Variants in CALN1 observed in about 807,000 individuals in gnomAD.
CALN1 encodes the protein calcium-binding protein 8.
A neutral mutation model predicts 30.6 loss-of-function variants in CALN1; 17 were observed. The ratio of observed to expected loss-of-function variants is 0.56; its 90% CI spans 0.38 to 0.83. The LOEUF (loss-of-function observed/expected upper bound fraction) is 0.83. Among genes scored for constraint, CALN1 ranks in the 40% least tolerant of loss-of-function variants. CALN1 has a pLI of 0.00. For missense variants in CALN1, 291 were observed against 354.9 expected, an observed-to-expected ratio of 0.82 and a Z score of 1.45; for synonymous variants, 156 against 131.4, an observed-to-expected ratio of 1.19 and a Z score of -1.28.
intron 3 of CALN1, among the ~76,000 whole-genome samples, chr7:72,260,155 C>T (rs968159579): frequency 1.3e-5 from 2 of 152,160 alleles, no homozygotes; most frequent in Admixed American, 6.5e-5. Context: ...GCTATGATTG[C>T]ACCACTGCAC....
chr7:71,828,701 TAC>T (rs1361876378), intron 5 of CALN1, among the ~76,000 whole-genome samples: 10 of 143,436 alleles, frequency 7.0e-5, no homozygotes, highest in African/African-American at 2.6e-4. Flanking sequence ...TATACATATA[TAC>T]ATATATATAT....
chr7:72,336,061 G>A (rs1350142904), intron 2 of CALN1, among the ~76,000 whole-genome samples: 1 of 152,140 alleles, frequency 6.6e-6, no homozygotes, highest in African/African-American at 2.4e-5. Context: ...CAGAGACTAG[G>A]TCCCAGCCGG....
chr7:72,107,209 G>A (rs1316741613), intron 3 of CALN1, among the ~76,000 whole-genome samples: 1 of 152,102 alleles, frequency 6.6e-6, no homozygotes, highest in Non-Finnish European at 1.5e-5. Flanking sequence ...CCTCTTAACT[G>A]CAGTCCTCAG....
At chr7:71,860,702 A>G (rs1410999628) in intron 5 of CALN1, among the ~76,000 whole-genome samples, 1 of 152,230 alleles carries the variant, frequency 6.6e-6, no homozygotes, top group Non-Finnish European at 1.5e-5. Flanking sequence ...CACCAGGTCA[A>G]TGTCACATTG....
chr7:71,937,676 C>G (rs1031044103), intron 5 of CALN1, among the ~76,000 whole-genome samples: 1 of 151,996 alleles, frequency 6.6e-6, no homozygotes, highest in African/African-American at 2.4e-5. Context: ...GATAGGGTCT[C>G]GCTGTGTTGC....
At chr7:72,064,971 A>G (rs1803913326) in intron 4 of CALN1, among the ~76,000 whole-genome samples, 1 of 151,800 alleles carries the variant, frequency 6.6e-6, no homozygotes, top group Admixed American at 6.6e-5. Flanking sequence ...GCTGCAGTGC[A>G]CTTGGGCACA....
chr7:72,229,850 T>C (rs917996882), intron 3 of CALN1, among the ~76,000 whole-genome samples: 1 of 151,826 alleles, frequency 6.6e-6, no homozygotes, highest in Non-Finnish European at 1.5e-5. Context: ...GCTTAAAACC[T>C]AGATGACAGG....
chr7:72,194,774 T>G (rs1233531531), intron 3 of CALN1, among the ~76,000 whole-genome samples: 1 of 151,810 alleles, frequency 6.6e-6, no homozygotes, highest in East Asian at 2.0e-4. Flanking sequence ...GTATTTTTAG[T>G]AGAGATGGGG....
chr7:72,254,715 G>A (rs1261519514), intron 3 of CALN1, among the ~76,000 whole-genome samples: 1 of 151,966 alleles, frequency 6.6e-6, no homozygotes, highest in Non-Finnish European at 1.5e-5. Flanking sequence ...TCAACCTGAA[G>A]CCATTAGCAC....
the CALN1 span, among the ~76,000 whole-genome samples, chr7:72,473,089 G>A: frequency 3.3e-5 from 5 of 151,472 alleles, no homozygotes; most frequent in African/African-American, 1.2e-4. Context: ...CAGCTCCCCT[G>A]TTTTTGAGGC....
At chr7:71,798,089 CAGAG>C (rs1451180868) in intron 6 of CALN1, among the ~76,000 whole-genome samples, 7 of 94,368 alleles carry the variant, frequency 7.4e-5, no homozygotes, top group Admixed American at 2.1e-4. Context: ...CAGAGAGAGA[CAGAG>C]AGAGAGACAG....
chr7:72,127,735 A>C (rs1377981199), intron 3 of CALN1, among the ~76,000 whole-genome samples: 1 of 152,220 alleles, frequency 6.6e-6, no homozygotes, highest in Non-Finnish European at 1.5e-5. Context: ...GTGTAGGGTG[A>C]TGGCAACATT....
chr7:72,039,271 G>A (rs1488897312), intron 4 of CALN1, among the ~76,000 whole-genome samples: 1 of 152,178 alleles, frequency 6.6e-6, no homozygotes, highest in Non-Finnish European at 1.5e-5. Context: ...AAGAGAAGAG[G>A]ACTCAGCAAA....
intron 3 of CALN1, among the ~76,000 whole-genome samples, chr7:72,138,919 A>G (rs962982588): frequency 6.6e-6 from 1 of 152,120 alleles, no homozygotes; most frequent in Admixed American, 6.5e-5. Context: ...TCAATGAAAA[A>G]CAAAATATTT....
At chr7:71,959,581 T>G in intron 5 of CALN1, among the ~76,000 whole-genome samples, 1 of 151,776 alleles carries the variant, frequency 6.6e-6, no homozygotes. Flanking sequence ...GTTTAGGACA[T>G]CTCTACATAT....
At chr7:72,380,151 G>A (rs999929829) in intron 2 of CALN1, among the ~76,000 whole-genome samples, 3 of 152,120 alleles carry the variant, frequency 2.0e-5, no homozygotes, top group African/African-American at 7.2e-5. Context: ...CCAATAGTCA[G>A]ACAAAGAGAA....
At position 72,356,577 on chromosome 7, in the gene CALN1, TATA is replaced by T. The variant is rs369705167; in HGVS notation, c.119+46671_119+46673del. 4.6e-5 allele frequency among the ~76,000 whole-genome samples: 7 copies of T among 152,070 alleles called. 1 individual carries two copies. The highest frequency in any genetic ancestry group is 1.2e-4 in the African/African-American group (5 of 41,352). On this transcript the variant is annotated intron_variant, in intron 2 of 6. Coordinates refer to ENST00000395275, the MANE Select transcript of CALN1 (RefSeq NM_031468.4). ...AAACTAACAAGGACGACTAAAATTGTATAATAAGTGCCAATCTCCCTGAAAGAT... is the reference window on the plus strand; with the variant it reads ...AAACTAACAAGGACGACTAAAATTGTATAAGTGCCAATCTCCCTGAAAGAT...
chr7:72,105,788 GGGGAGGGA>G (rs1441534476), intron 4 of CALN1, among the ~76,000 whole-genome samples: 1 of 78,556 alleles, frequency 1.3e-5, no homozygotes, highest in Non-Finnish European at 2.2e-5. Context: ...GAGGAGGAGG[GGGGAGGGA>G]GGGAGGGAGG....
At chr7:71,940,960 T>C (rs1210654452) in intron 5 of CALN1, among the ~76,000 whole-genome samples, 4 of 152,188 alleles carry the variant, frequency 2.6e-5, no homozygotes, top group Non-Finnish European at 4.4e-5. Context: ...TACTCCACTA[T>C]ATCCAGTCGA....
Sources: gnomAD v4.1 joint callset for allele counts (sites outside exome capture counted in the v4.1 genomes callset) on GRCh38, gnomAD v4.1.1 for gene constraint, MANE v1.5 for transcripts, NCBI Gene and HGNC (gene_info 2026-07-23, HGNC 2026-07-21) for gene names.